MOB3B: variants seen among roughly 807,000 people sequenced by gnomAD.
MOB3B encodes MOB kinase activator-like 2B.
A neutral mutation model predicts 18.7 loss-of-function variants in MOB3B; 7 were observed. The ratio of observed to expected loss-of-function variants is 0.37; its 90% confidence interval spans 0.21 to 0.70. MOB3B has a LOEUF of 0.70. MOB3B is among the 30% of genes least tolerant of loss of function. The pLI, the probability that MOB3B is intolerant of heterozygous loss-of-function variation, is 0.52. For synonymous variants in MOB3B, 111 were observed against 99.9 expected (o/e 1.11, Z -0.66); for missense variants, 253 against 281.3 (o/e 0.90, Z 0.72).
At chr9:27,451,963 G>A (rs1822791620) in intron 2 of MOB3B, among the ~76,000 whole-genome samples, 1 of 152,188 alleles carries the variant, frequency 6.6e-6, no homozygotes, top group South Asian at 2.1e-4. Flanking sequence ...GAGGTGAGCA[G>A]GAGGTTGAAG....
intron 2 of MOB3B, among the ~76,000 whole-genome samples, chr9:27,428,472 C>T (rs994367657): frequency 3.3e-5 from 5 of 151,956 alleles, no homozygotes; most frequent in African/African-American, 1.2e-4. Flanking sequence ...CAGCTGAGAC[C>T]CAAAGGATGA....
At chr9:27,493,436 C>T (rs1008475229) in intron 1 of MOB3B, among the ~76,000 whole-genome samples, 4 of 152,034 alleles carry the variant, frequency 2.6e-5, no homozygotes, top group Non-Finnish European at 4.4e-5. Context: ...GTCAGAAGAT[C>T]GAGACCATCC....
At chr9:27,477,239 C>G (rs565149070) in intron 1 of MOB3B, among the ~76,000 whole-genome samples, 14 of 152,324 alleles carry the variant, frequency 9.2e-5, no homozygotes, top group African/African-American at 3.4e-4. Flanking sequence ...AAATCTCTTG[C>G]ATAGCCAATC....
intron 1 of MOB3B, among the ~76,000 whole-genome samples, chr9:27,460,239 T>C (rs1311561003): frequency 6.6e-6 from 1 of 152,114 alleles, no homozygotes; most frequent in African/African-American, 2.4e-5. Context: ...AACAGGACAA[T>C]AAAGGGTGAG....
At position 27,457,601 on chromosome 9, in the gene MOB3B, G is replaced by A. The variant is rs554006181; in HGVS notation, c.-198-1853C>T. Among the ~76,000 whole-genome samples, 59 of 152,220 alleles carry A rather than the reference G, an allele frequency of 3.9e-4. 1 individual carries two copies. In the South Asian group the frequency reaches 0.012, roughly 31 times the overall value. ...TCCCCGCCCCACCCCCAGTCCCAAG[G>A]CCTCTGGCTCTCTGCCTGCTCACTT... On this transcript the variant is annotated intron_variant, in intron 1 of 3. Coordinates refer to ENST00000262244, the MANE Select transcript of MOB3B (RefSeq NM_024761.5).
intron 1 of MOB3B, among the ~76,000 whole-genome samples, chr9:27,488,163 C>T (rs1251288393): frequency 6.6e-6 from 1 of 152,126 alleles, no homozygotes; most frequent in Non-Finnish European, 1.5e-5. Context: ...CTAGCTGTTT[C>T]CTATTATGTT....
chr9:27,435,047 T>TTCTCTCTCTCTC (rs60408942), intron 2 of MOB3B, among the ~76,000 whole-genome samples: 12 of 145,892 alleles, frequency 8.2e-5, no homozygotes, highest in African/African-American at 2.5e-4. Context: ...TGTAAGGTGT[T>TTCTCTCTCTCTC]TCTCTCTCTC....
intron 2 of MOB3B, among the ~76,000 whole-genome samples, chr9:27,368,301 GCTCT>G (rs1229497866): frequency 3.3e-5 from 5 of 151,192 alleles, no homozygotes; most frequent in South Asian, 2.1e-4. Flanking sequence ...CCTGCCTCCT[GCTCT>G]CTGTCTATAT....
intron 3 of MOB3B, among the ~76,000 whole-genome samples, chr9:27,339,597 A>T (rs544555256): frequency 2.9e-4 from 44 of 152,326 alleles, no homozygotes; most frequent in Non-Finnish European, 4.6e-4. Context: ...CATCAGTCTT[A>T]TGGGGTATGT....
intron 1 of MOB3B, among the ~76,000 whole-genome samples, chr9:27,469,112 G>C (rs1323745998): frequency 1.3e-5 from 2 of 152,132 alleles, no homozygotes; most frequent in South Asian, 2.1e-4. Context: ...ATGGGGAAGA[G>C]AGCAAGCTAA....
intron 3 of MOB3B, among the ~76,000 whole-genome samples, chr9:27,356,696 A>G (rs936945937): frequency 6.6e-6 from 1 of 152,120 alleles, no homozygotes; most frequent in African/African-American, 2.4e-5. Context: ...GTTATTTTCC[A>G]TTGACCTGAA....
intron 2 of MOB3B, among the ~76,000 whole-genome samples, chr9:27,415,963 C>T (rs1822140637): frequency 1.3e-5 from 2 of 152,216 alleles, no homozygotes. Context: ...TTGCTTTTCA[C>T]ATGCTTTCAC....
At chr9:27,520,092 C>T (rs1820300947) in intron 1 of MOB3B, among the ~76,000 whole-genome samples, 1 of 152,160 alleles carries the variant, frequency 6.6e-6, no homozygotes, top group South Asian at 2.1e-4. Context: ...CAATGTGTTA[C>T]TCTCGTCCTG....
At chr9:27,333,720 G>A (rs776934759) in intron 3 of MOB3B, among the ~76,000 whole-genome samples, 6 of 152,178 alleles carry the variant, frequency 3.9e-5, no homozygotes, top group Non-Finnish European at 8.8e-5. Context: ...TAGAATCTTG[G>A]TTGTGGTCAC....
chr9:27,328,442 T>C lies in MOB3B; in HGVS notation c.*2145A>G, dbSNP rs1401684865. ...AATTTACCCTAGAAGAGTTCATTAG[T>C]GCAATTAACAATATAAGCAGGAGGA... On this transcript the variant is annotated 3_prime_UTR_variant, in exon 4 of 4. Coordinates refer to ENST00000262244, the MANE Select transcript of MOB3B (RefSeq NM_024761.5). 6.6e-6 allele frequency: 1 copy of C among 151,550 alleles called. No individual in the cohort carries two copies. Among genetic ancestry groups the C allele is most frequent in the Non-Finnish European group, 1.5e-5 (1 of 67,960 alleles). The allele number at this position is 151,550 out of a possible 1,614,324, so 9.4% of individuals were successfully genotyped here. A position where few individuals can be genotyped will look rare whatever the true frequency, so the allele number is the denominator to read the frequency against.
At chr9:27,514,564 C>T (rs1820201344) in intron 1 of MOB3B, among the ~76,000 whole-genome samples, 1 of 152,128 alleles carries the variant, frequency 6.6e-6, no homozygotes, top group African/African-American at 2.4e-5. Context: ...AGATTATTTT[C>T]CCAGAAGTTC....
intron 1 of MOB3B, among the ~76,000 whole-genome samples, chr9:27,499,967 T>C (rs774296340): frequency 8.5e-5 from 13 of 152,212 alleles, no homozygotes; most frequent in Non-Finnish European, 1.6e-4. Flanking sequence ...CAATCAACCT[T>C]TCAATTAGTC....
At chr9:27,375,840 T>A (rs996611553) in intron 2 of MOB3B, among the ~76,000 whole-genome samples, 1 of 152,218 alleles carries the variant, frequency 6.6e-6, no homozygotes, top group Admixed American at 6.5e-5. Context: ...TTTCTAATTC[T>A]CTGAAAAAAC....
chr9:27,528,777 C>G (rs998688586), intron 1 of MOB3B, among the ~76,000 whole-genome samples: 8 of 144,490 alleles, frequency 5.5e-5, no homozygotes, highest in Middle Eastern at 3.7e-3. Flanking sequence ...GGAAAGAGCG[C>G]GAGGGGGGGG....
Sources: allele counts gnomAD v4.1 joint callset (sites outside exome capture counted in the v4.1 genomes callset), GRCh38; gene constraint gnomAD v4.1.1; transcripts MANE v1.5; gene names NCBI Gene and HGNC (gene_info 2026-07-23, HGNC 2026-07-21).